The following AGO2 variants were observed in gnomAD, a reference collection of about 807,000 sequenced individuals.
AGO2 encodes argonaute RISC catalytic component 2.
AGO2 carries 5 observed loss-of-function variants against 102.3 expected under a neutral mutation model. The ratio of observed to expected loss-of-function variants is 0.05; its 90% CI spans 0.03 to 0.10. AGO2 has a LOEUF of 0.10. AGO2 is among the 10% of genes least tolerant of loss of function. AGO2 has a pLI of 1.00. For missense variants in AGO2, 541 were observed against 1,183.7 expected (o/e 0.46, Z 7.97); for synonymous variants, 449 against 473.1 (o/e 0.95, Z 0.66).
chr8:140,623,386 G>A (rs542480687), intron 1 of AGO2, among the ~76,000 whole-genome samples: 8 of 152,216 alleles, frequency 5.3e-5, no homozygotes, highest in South Asian at 4.1e-4. Context: ...CTGTGAATGC[G>A]CTACACGCCA....
At chr8:140,558,128 C>T (rs548800390) in intron 7 of AGO2, among the ~76,000 whole-genome samples, 45 of 152,190 alleles carry the variant, frequency 3.0e-4, no homozygotes, top group Non-Finnish European at 5.3e-4. Context: ...ATGGGACACG[C>T]GGACTGGCCC....
upstream of AGO2, chr8:140,635,647 G>A (rs1263445432): frequency 1.3e-5 from 6 of 468,804 alleles, no homozygotes; most frequent in African/African-American, 1.1e-4. Context: ...TACCCGACGC[G>A]GCCGGGGCGG....
At chr8:140,542,551 A>G (rs1306590690) in intron 14 of AGO2, among the ~76,000 whole-genome samples, 1 of 148,040 alleles carries the variant, frequency 6.8e-6, no homozygotes, top group Non-Finnish European at 1.5e-5. Flanking sequence ...AAACACACAG[A>G]TTTCTCTGTT....
At chr8:140,543,207 C>CAACAAA (rs1564076653) in intron 14 of AGO2, among the ~76,000 whole-genome samples, 1 of 151,088 alleles carries the variant, frequency 6.6e-6, no homozygotes, top group Non-Finnish European at 1.5e-5. Flanking sequence ...ACAACAACAA[C>CAACAAA]AAAAAAACGA....
chr8:140,563,041 C>T (rs954646430), intron 3 of AGO2, among the ~76,000 whole-genome samples: 1 of 152,194 alleles, frequency 6.6e-6, no homozygotes, highest in Non-Finnish European at 1.5e-5. Context: ...TACTCAGAAC[C>T]CACAGTTGAA....
rs987724183 is a variant in AGO2 at position 140,540,567 on chromosome 8, C to T, written c.2034+597G>A. 6.6e-6 allele frequency among the ~76,000 whole-genome samples: 1 copy of T among 152,180 alleles called. No individual in the cohort carries two copies. The highest frequency in any genetic ancestry group is 1.5e-5 in the Non-Finnish European group (1 of 68,022). On this transcript the variant is annotated intron_variant, in intron 15 of 18. Transcript: ENST00000220592. This position sits in a 1 kb window ranked among gnomAD's most constrained non-coding sequence, Gnocchi z 5.0. The stretch of plus-strand genomic sequence containing the variant: ...CCTTGATCTGGGGGTGCTGCGTGTG[C>T]TCTCAACCAAAGACAGCAACGAAAC...
At chr8:140,611,260 C>A (rs1363047510) in intron 1 of AGO2, among the ~76,000 whole-genome samples, 1 of 152,210 alleles carries the variant, frequency 6.6e-6, no homozygotes, top group Non-Finnish European at 1.5e-5. Flanking sequence ...ACGAAGCCAG[C>A]CTACCTTAAA....
At position 140,557,392 on chromosome 8, in the gene AGO2, T is replaced by C. The variant is rs1337163878; in HGVS notation, c.879-156A>G. Among the ~76,000 whole-genome samples, 1 of 152,198 alleles carries C rather than the reference T, an allele frequency of 6.6e-6. No homozygotes were observed. Among genetic ancestry groups the C allele is most frequent in the Non-Finnish European group, 1.5e-5 (1 of 68,038 alleles). ...ACCATGTCATGTGCTTTGGGTTATC[T>C]GGAATGTTTCTGAGCCCCTAAATTC... On this transcript the variant is annotated intron_variant, in intron 7 of 18. Transcript: ENST00000220592. The surrounding 1 kb of genome is among the most constrained non-coding windows in gnomAD (Gnocchi z 5.9).
chr8:140,633,977 G>C (rs554268927), intron 1 of AGO2, among the ~76,000 whole-genome samples: 2 of 152,356 alleles, frequency 1.3e-5, no homozygotes, highest in South Asian at 2.1e-4. Flanking sequence ...ATGTAGTGCT[G>C]TCAGTCCCAT....
rs190022084 is a variant in AGO2 at position 140,595,300 on chromosome 8, C to A, written c.23-9989G>T. Among the ~76,000 whole-genome samples the A allele has an allele frequency of 1.4e-3, 211 of 152,100 alleles. 4 individuals are homozygous for A. The South Asian group carries it at 0.041, about 30-fold the overall frequency. On this transcript the variant is annotated intron_variant, in intron 1 of 18. Transcript: ENST00000220592. ...CTTCAGAATGGTGTTTGATGCAATC[C>A]CATCTGTCCTATATTATGCACACAT...
chr8:140,571,878 T>C (rs1301683449), intron 3 of AGO2, among the ~76,000 whole-genome samples: 1 of 152,132 alleles, frequency 6.6e-6, no homozygotes, highest in Non-Finnish European at 1.5e-5. Context: ...CCCAAGTAGG[T>C]GGGATTACAG....
intron 3 of AGO2, among the ~76,000 whole-genome samples, chr8:140,570,205 C>G (rs1463041159): frequency 6.6e-6 from 1 of 152,204 alleles, no homozygotes; most frequent in Non-Finnish European, 1.5e-5. Flanking sequence ...TCTCTATGCT[C>G]TCTGGGACAT....
chr8:140,548,846 G>A (rs1236811183), intron 12 of AGO2, among the ~76,000 whole-genome samples: 3 of 152,214 alleles, frequency 2.0e-5, no homozygotes, highest in Non-Finnish European at 4.4e-5. Context: ...TATGATGGGC[G>A]GGGTGCCCAC....
rs781196703 is a variant in AGO2, at chr8:140,527,437, C to T, written c.*4607G>A. The T allele has an allele frequency of 1.7e-4, 26 of 152,964 alleles. No individual in the cohort carries two copies. The highest frequency in any genetic ancestry group is 1.9e-4 in the East Asian group (1 of 5,176). 9.5% of individuals were successfully genotyped at this position (152,964 alleles called of 1,614,324 possible). Reference sequence around the variant, plus strand: ...GTACAGCAGATGCGAAGTGGGACATCGTAAAAAGAAGTTGTCAAAAAATCA... The same window carrying T: ...GTACAGCAGATGCGAAGTGGGACATTGTAAAAAGAAGTTGTCAAAAAATCA... On this transcript the variant is annotated 3_prime_UTR_variant, in exon 19 of 19. Transcript: ENST00000220592. The surrounding 1 kb of genome is among the most constrained non-coding windows in gnomAD (Gnocchi z 6.0).
chr8:140,621,716 T>A (rs985875391), intron 1 of AGO2, among the ~76,000 whole-genome samples: 2 of 152,202 alleles, frequency 1.3e-5, no homozygotes, highest in Non-Finnish European at 2.9e-5. Context: ...TCTAACATTT[T>A]TTTCCATCCT....
In AGO2 at chr8:140,529,404, A is replaced by G. The variant is rs1426328135; in HGVS notation, c.*2640T>C. 3 of 152,240 alleles carry G rather than the reference A, an allele frequency of 2.0e-5. No individual in the cohort carries two copies. The East Asian group carries it at 5.8e-4, about 29-fold the overall frequency. The allele number at this position is 152,240 out of a possible 1,614,324, so 9.4% of individuals were successfully genotyped here. A position where few individuals can be genotyped will look rare whatever the true frequency, so the allele number is the denominator to read the frequency against. On this transcript the variant is annotated 3_prime_UTR_variant, in exon 19 of 19. Transcript: ENST00000220592. ...ACAATTGTTTACCTGAGAAATTGTA[A>G]CTACAGCCATTTAAACTCTGAATCA...
chr8:140,591,594 G>C (rs932488056), intron 1 of AGO2: 2 of 152,180 alleles, frequency 1.3e-5, no homozygotes, highest in Non-Finnish European at 2.9e-5. Context: ...CTAAGCTCCC[G>C]CAGATGACTA....
chr8:140,548,284 C>T (rs1693805537), intron 12 of AGO2, among the ~76,000 whole-genome samples: 1 of 148,362 alleles, frequency 6.7e-6, no homozygotes, highest in African/African-American at 2.5e-5. Flanking sequence ...CCACTGCACT[C>T]CAGGCTAGGA....
At chr8:140,570,211 G>C (rs561777632) in intron 3 of AGO2, among the ~76,000 whole-genome samples, 1 of 152,280 alleles carries the variant, frequency 6.6e-6, no homozygotes, top group African/African-American at 2.4e-5. Context: ...TGCTCTCTGG[G>C]ACATGAGCTT....
Sources: gnomAD v4.1 joint callset for allele counts (sites outside exome capture counted in the v4.1 genomes callset) on GRCh38, gnomAD v4.1.1 for gene constraint, Gnocchi (gnomAD v3.1) non-coding constraint, MANE v1.5 for transcripts, NCBI Gene and HGNC (gene_info 2026-07-23, HGNC 2026-07-21) for gene names.